YWHAQ: variants seen among roughly 807,000 people sequenced by gnomAD.
The protein encoded by YWHAQ is tyrosine 3-monooxygenase/tryptophan 5-monooxygenase activation protein theta, also known as 14-3-3 protein theta.
Under a neutral mutation model 28.3 loss-of-function variants are expected in YWHAQ, and 6 were observed. That is an observed-to-expected ratio of 0.21 (90% CI 0.12 to 0.42). The LOEUF (loss-of-function observed/expected upper bound fraction) is 0.42, where lower values mean the gene tolerates loss of function less well. Ranked by LOEUF, YWHAQ falls within the 10% of genes least tolerant of loss-of-function variation. The pLI is 1.00. For missense variants in YWHAQ, 201 were observed against 305.6 expected (o/e 0.66, Z 2.55); for synonymous variants, 143 against 119.1 (o/e 1.20, Z -1.31).
intron 2 of YWHAQ, among the ~76,000 whole-genome samples, chr2:9,594,054 C>T (rs1029806679): frequency 5.3e-5 from 8 of 151,504 alleles, no homozygotes; most frequent in Admixed American, 5.3e-4. Context: ...GAAGTTTATG[C>T]ATTATAGAAG....
intron 2 of YWHAQ, among the ~76,000 whole-genome samples, chr2:9,619,951 C>CA (rs1460297088): frequency 1.3e-5 from 2 of 151,992 alleles, no homozygotes; most frequent in Non-Finnish European, 2.9e-5. Flanking sequence ...GTGGAATGTA[C>CA]AAAACAAGAG....
At chr2:9,591,613 TTAC>T in intron 2 of YWHAQ, 98 bp from the exon 3 acceptor site, 1 of 1,440,126 alleles carries the variant, frequency 6.9e-7, no homozygotes, top group Non-Finnish European at 9.4e-7. Context: ...TTTCAATCAT[TTAC>T]TACTACAGTA....
chr2:9,588,149 T>G lies in YWHAQ; in HGVS notation c.582+16A>C, dbSNP rs775916718. 6.6e-7 allele frequency: 1 copy of G among 1,521,352 alleles called. No homozygotes were observed. The highest frequency in any genetic ancestry group is 1.4e-5 in the African/African-American group (1 of 69,150). The allele number at this position is 1,521,352 out of a possible 1,614,324, so 94.2% of individuals were successfully genotyped here. Reference sequence around the variant, plus strand: ...AACTGTAGCTAAAGTACGTATTTCCTGGACACACATCTTACCGTTTTAGCC... The same window carrying G: ...AACTGTAGCTAAAGTACGTATTTCCGGGACACACATCTTACCGTTTTAGCC... On this transcript the variant is annotated intron_variant, in intron 4 of 5. Coordinates refer to ENST00000238081, the MANE Select transcript of YWHAQ (RefSeq NM_006826.4).
intron 5 of YWHAQ, among the ~76,000 whole-genome samples, chr2:9,585,913 A>C (rs1399611659): frequency 5.2e-4 from 16 of 31,066 alleles, no homozygotes; most frequent in African/African-American, 6.6e-4. Flanking sequence ...ATCCTTTCTC[A>C]AAAAAAAAAA....
rs1193462568 is a variant in YWHAQ at position 9,630,149 on chromosome 2, G to C, written c.294+10C>G. 3 of 1,602,768 alleles carry C rather than the reference G, an allele frequency of 1.9e-6. No homozygotes were observed. Among genetic ancestry groups the C allele is most frequent in the Middle Eastern group, 1.8e-4 (1 of 5,614 alleles). On this transcript the variant is annotated intron_variant, in intron 2 of 5. Transcript: ENST00000238081. This position sits in a 1 kb window ranked among gnomAD's most constrained non-coding sequence, Gnocchi z 5.6. ...AAAGGCCTCCCCTGCTCCCCGCGCCGAGGACTCACCAGCACCGTGGTGCAG... is the reference window on the plus strand; with the variant it reads ...AAAGGCCTCCCCTGCTCCCCGCGCCCAGGACTCACCAGCACCGTGGTGCAG...
chr2:9,606,194 A>C (rs1666824372), intron 2 of YWHAQ, among the ~76,000 whole-genome samples: 2 of 152,196 alleles, frequency 1.3e-5, no homozygotes, highest in South Asian at 4.1e-4. Context: ...AGTTAATTTC[A>C]ATTTATACTC....
At chr2:9,595,433 C>T (rs1666549455) in intron 2 of YWHAQ, among the ~76,000 whole-genome samples, 1 of 152,078 alleles carries the variant, frequency 6.6e-6, no homozygotes, top group Admixed American at 6.6e-5. Context: ...GGCCAGGTGC[C>T]GTGACTCATG....
At chr2:9,628,513 T>C (rs1470995418) in intron 2 of YWHAQ, among the ~76,000 whole-genome samples, 2 of 152,258 alleles carry the variant, frequency 1.3e-5, no homozygotes, top group East Asian at 1.9e-4. Flanking sequence ...CACGCGGTGA[T>C]TCTGAATTGC....
At chr2:9,593,488 C>T (rs1666499693) in intron 2 of YWHAQ, among the ~76,000 whole-genome samples, 1 of 151,944 alleles carries the variant, frequency 6.6e-6, no homozygotes, top group Non-Finnish European at 1.5e-5. Flanking sequence ...GGATTACAGG[C>T]GTGAGCCACT....
intron 2 of YWHAQ, among the ~76,000 whole-genome samples, chr2:9,627,512 T>G (rs1479391513): frequency 6.6e-6 from 1 of 152,190 alleles, no homozygotes; most frequent in East Asian, 1.9e-4. Context: ...ACAGACTGGT[T>G]AGTCAGCCCT....
In YWHAQ at chr2:9,585,256, A is replaced by T. The variant is rs1210629147; in HGVS notation, c.*30T>A. 1.9e-6 allele frequency: 3 copies of T among 1,613,306 alleles called. No homozygotes were observed. The highest frequency in any genetic ancestry group is 1.7e-4 in the Middle Eastern group (1 of 5,834). On this transcript the variant is annotated 3_prime_UTR_variant, in exon 6 of 6. Coordinates refer to ENST00000238081, the MANE Select transcript of YWHAQ (RefSeq NM_006826.4). ...TGGAGATGTGTAAAAAGGTTTCTTG[A>T]AGGAAAGAAGGATGACACCCTGTAT...
chr2:9,616,080 T>C (rs1197995728), intron 2 of YWHAQ, among the ~76,000 whole-genome samples: 1 of 152,102 alleles, frequency 6.6e-6, no homozygotes, highest in Non-Finnish European at 1.5e-5. Flanking sequence ...TACATTACAG[T>C]AGAGTAATGG....
intron 2 of YWHAQ, among the ~76,000 whole-genome samples, chr2:9,617,483 G>A (rs1420547189): frequency 3.3e-5 from 5 of 152,136 alleles, no homozygotes; most frequent in Non-Finnish European, 5.9e-5. Context: ...TCTGTTTAAT[G>A]GGTATAGAGT....
At position 9,585,142 on chromosome 2, in the gene YWHAQ, A is replaced by G. The variant is rs573366066; in HGVS notation, c.*144T>C. ...ACAAATCAAGGAATGAAGTTTTCCC[A>G]AAGCTGCAGTGTGAAAAGACTATAA... is the stretch of plus-strand genomic sequence containing the variant. On this transcript the variant is annotated 3_prime_UTR_variant, in exon 6 of 6. Transcript: ENST00000238081. The G allele has an allele frequency of 1.1e-6, 1 of 875,386 alleles. No homozygotes were observed. Among genetic ancestry groups the G allele is most frequent in the Non-Finnish European group, 1.8e-6 (1 of 563,218 alleles). The allele number at this position is 875,386 out of a possible 1,614,324, so 54.2% of individuals were successfully genotyped here.
At chr2:9,604,079 T>A (rs1324968922) in intron 2 of YWHAQ, among the ~76,000 whole-genome samples, 1 of 152,212 alleles carries the variant, frequency 6.6e-6, no homozygotes, top group Non-Finnish European at 1.5e-5. Flanking sequence ...TTAAAGGATG[T>A]GTAGCACCAC....
intron 2 of YWHAQ, among the ~76,000 whole-genome samples, chr2:9,600,857 G>C (rs886982406): frequency 6.6e-6 from 1 of 152,140 alleles, no homozygotes; most frequent in African/African-American, 2.4e-5. Flanking sequence ...CCCTCCACCA[G>C]CAAAAAGATA....
intron 2 of YWHAQ, among the ~76,000 whole-genome samples, chr2:9,612,436 TAA>T (rs1666966659): frequency 6.6e-6 from 1 of 152,182 alleles, no homozygotes; most frequent in Admixed American, 6.5e-5. Context: ...ATTTAAATGG[TAA>T]AGAGATATTG....
chr2:9,627,115 C>T (rs138817654), intron 2 of YWHAQ, among the ~76,000 whole-genome samples: 28 of 152,308 alleles, frequency 1.8e-4, no homozygotes, highest in African/African-American at 6.7e-4. Flanking sequence ...TTTTTTTGTG[C>T]TTCCACGGTT....
chr2:9,630,315 C>G lies in YWHAQ; in HGVS notation c.138G>C (p.Val46=), dbSNP rs769460753. Residue 46 remains valine, a synonymous_variant, in exon 2 of 6, where the codon GTG becomes GTC. Transcript: ENST00000238081. The surrounding 1 kb of genome is among the most constrained non-coding windows in gnomAD (Gnocchi z 5.6). The part of the protein sequence containing the change: ...LSNEERNLLS[V]AYKNVVGGRR... ...GGCCCCCGACCACGTTCTTGTAGGC[C>G]ACGGAGAGCAGGTTGCGCTCCTCGT... The G allele has an allele frequency of 6.2e-7, 1 of 1,614,162 alleles. No homozygotes were observed. Among genetic ancestry groups the G allele is most frequent in the Non-Finnish European group, 8.5e-7 (1 of 1,180,046 alleles).
Sources: allele counts gnomAD v4.1 joint callset (sites outside exome capture counted in the v4.1 genomes callset), GRCh38; gene constraint gnomAD v4.1.1; non-coding constraint Gnocchi (gnomAD v3.1); transcripts MANE v1.5; gene names NCBI Gene and HGNC (gene_info 2026-07-23, HGNC 2026-07-21).